CRACD: variants seen among roughly 807,000 people sequenced by gnomAD.
CRACD encodes the protein capping protein-inhibiting regulator of actin dynamics.
CRACD carries 56 observed loss-of-function variants against 106.8 expected under a neutral mutation model. The ratio of observed to expected loss-of-function variants is 0.52; its 90% CI spans 0.42 to 0.66. CRACD has a LOEUF of 0.66. Among genes scored for constraint, CRACD ranks in the 30% least tolerant of loss-of-function variants. The pLI, the probability that CRACD is intolerant of heterozygous loss-of-function variation, is 0.00. For synonymous variants in CRACD, 754 were observed against 670.8 expected, an observed-to-expected ratio of 1.12 and a Z score of -1.92; for missense variants, 1,730 against 1,623.2, an observed-to-expected ratio of 1.07 and a Z score of -1.13.
In CRACD at chr4:56,314,946, AAG is replaced by A; in HGVS notation, c.1450_1451del (p.Glu484ArgfsTer30). 1.3e-6 allele frequency: 2 copies of A among 1,595,694 alleles called. No individual in the cohort carries two copies. Among genetic ancestry groups the A allele is most frequent in the Non-Finnish European group, 1.7e-6 (2 of 1,172,584 alleles). On this transcript the variant is annotated frameshift_variant, in exon 8 of 11. Transcript: ENST00000682029. LOFTEE classifies it high-confidence loss of function. This position sits in a 1 kb window ranked among gnomAD's most constrained non-coding sequence, Gnocchi z 4.4. ...GGCCGATCGTCCTGGGCCCGAGGAA[AAG>A]AGAGAAGAAGGGGACACGGAGCCTC... ...QGADRPGPEEKREEGDTEPLL... is the reference protein window; with the variant it reads ...QGADRPGPEEXREEGDTEPLL...
At chr4:56,218,352 T>TC (rs1738828651) in intron 2 of CRACD, among the ~76,000 whole-genome samples, 1 of 151,904 alleles carries the variant, frequency 6.6e-6, no homozygotes, top group Non-Finnish European at 1.5e-5. Flanking sequence ...GCTCAAGCAG[T>TC]CCTCCTGCTT....
intron 3 of CRACD, among the ~76,000 whole-genome samples, chr4:56,294,942 GAAAAAAAAGA>G (rs1743918694): frequency 1.8e-5 from 2 of 113,186 alleles, no homozygotes; most frequent in African/African-American, 3.3e-5. Flanking sequence ...AAAGTAAAAA[GAAAAAAAAGA>G]AAAGAAAAGA....
At chr4:56,263,121 T>C (rs1741806123) in intron 2 of CRACD, among the ~76,000 whole-genome samples, 1 of 152,188 alleles carries the variant, frequency 6.6e-6, no homozygotes, top group South Asian at 2.1e-4. Flanking sequence ...GTCTGTACTA[T>C]GCACAAGCAG....
At chr4:56,300,709 A>G (rs1455066184) in intron 4 of CRACD, among the ~76,000 whole-genome samples, 2 of 152,214 alleles carry the variant, frequency 1.3e-5, no homozygotes. Context: ...AAAATCAGAT[A>G]AAAATCTCTT....
chr4:56,302,438 G>C (rs1166066511), intron 4 of CRACD, among the ~76,000 whole-genome samples: 1 of 152,144 alleles, frequency 6.6e-6, no homozygotes, highest in African/African-American at 2.4e-5. Flanking sequence ...TGCTTAGTCT[G>C]TTTGTACCAC....
At chr4:56,117,758 TG>T (rs1364686262) in intron 1 of CRACD, among the ~76,000 whole-genome samples, 2 of 152,212 alleles carry the variant, frequency 1.3e-5, no homozygotes, top group Admixed American at 6.5e-5. Flanking sequence ...ATTTTATGAA[TG>T]TTTTTTGTTT....
At chr4:56,233,350 A>G (rs1271693319) in intron 2 of CRACD, among the ~76,000 whole-genome samples, 3 of 152,024 alleles carry the variant, frequency 2.0e-5, no homozygotes, top group South Asian at 2.1e-4. Flanking sequence ...CAAGAGATCC[A>G]CCTGCCTCAG....
At chr4:56,149,071 C>T (rs558954884) in intron 1 of CRACD, among the ~76,000 whole-genome samples, 47 of 152,306 alleles carry the variant, frequency 3.1e-4, no homozygotes, top group Admixed American at 2.5e-3. Flanking sequence ...CTGCCTTGGC[C>T]TCCCAAAGTG....
At chr4:56,142,725 A>G (rs1435221575) in intron 1 of CRACD, among the ~76,000 whole-genome samples, 2 of 152,142 alleles carry the variant, frequency 1.3e-5, no homozygotes, top group Non-Finnish European at 2.9e-5. Context: ...GTATGAATTA[A>G]AAGTAGTGAT....
chr4:56,290,747 A>G (rs1232039383), intron 3 of CRACD, among the ~76,000 whole-genome samples: 1 of 152,206 alleles, frequency 6.6e-6, no homozygotes, highest in African/African-American at 2.4e-5. Context: ...TCCTTTGTAC[A>G]TGTACATAGG....
intron 2 of CRACD, among the ~76,000 whole-genome samples, chr4:56,182,973 C>T (rs1736903209): frequency 6.6e-6 from 1 of 150,724 alleles, no homozygotes; most frequent in Admixed American, 6.6e-5. Context: ...TGGCTCATGC[C>T]TGTAATCTCA....
At chr4:56,198,513 G>A (rs1415432502) in intron 2 of CRACD, among the ~76,000 whole-genome samples, 2 of 152,172 alleles carry the variant, frequency 1.3e-5, no homozygotes, top group East Asian at 3.8e-4. Flanking sequence ...CAATTAGAAA[G>A]TATGCACTGA....
At chr4:56,192,040 C>T (rs2199703) in intron 2 of CRACD, among the ~76,000 whole-genome samples, 50,601 of 152,008 alleles carry the variant, frequency 0.33, 8,613 homozygotes, top group African/African-American at 0.37. Flanking sequence ...TATGAACCTA[C>T]TGTATATTGA....
intron 2 of CRACD, among the ~76,000 whole-genome samples, chr4:56,215,446 T>C (rs138382035): frequency 1.0e-3 from 159 of 152,358 alleles, no homozygotes; most frequent in African/African-American, 3.2e-3. Flanking sequence ...ATATTAATGC[T>C]GGGGCAACAT....
chr4:56,235,254 T>G (rs147095441), intron 2 of CRACD, among the ~76,000 whole-genome samples: 224 of 152,310 alleles, frequency 1.5e-3, no homozygotes, highest in Middle Eastern at 6.8e-3. Context: ...AGAGCTTTCA[T>G]CAAAAACAGA....
At position 56,329,380 on chromosome 4, in the gene CRACD, A is replaced by G. The variant is rs918365982; in HGVS notation, c.*1576A>G. Among the ~76,000 whole-genome samples the G allele has an allele frequency of 6.6e-6, 1 of 152,216 alleles. No homozygotes were observed. Among genetic ancestry groups the G allele is most frequent in the Non-Finnish European group, 1.5e-5 (1 of 68,042 alleles). On this transcript the variant is annotated 3_prime_UTR_variant, in exon 11 of 11. Transcript: ENST00000682029. ...CATTACTTTCCTTTATGCTCGCTCA[A>G]TATGCAATGTGCTGTTATTCTACCA...
At chr4:56,056,305 A>C (rs1335097187) in intron 1 of CRACD, among the ~76,000 whole-genome samples, 1 of 152,234 alleles carries the variant, frequency 6.6e-6, no homozygotes, top group Non-Finnish European at 1.5e-5. Context: ...AATTTAGGAA[A>C]ATGCTTTATA....
intron 1 of CRACD, among the ~76,000 whole-genome samples, chr4:56,077,432 T>A (rs1399262033): frequency 6.6e-6 from 1 of 152,208 alleles, no homozygotes; most frequent in East Asian, 1.9e-4. Flanking sequence ...AACCATATCA[T>A]TATGTATACG....
chr4:56,301,611 T>A (rs1251949105), intron 4 of CRACD, among the ~76,000 whole-genome samples: 1 of 151,802 alleles, frequency 6.6e-6, no homozygotes, highest in Non-Finnish European at 1.5e-5. Context: ...GCCCTTCGAG[T>A]TCCTAGAGAC....
Sources: allele counts gnomAD v4.1 joint callset (sites outside exome capture counted in the v4.1 genomes callset), GRCh38; gene constraint gnomAD v4.1.1; non-coding constraint Gnocchi (gnomAD v3.1); transcripts MANE v1.5; gene names NCBI Gene and HGNC (gene_info 2026-07-23, HGNC 2026-07-21).